NLGN1: variants seen among roughly 807,000 people sequenced by gnomAD.
NLGN1 encodes neuroligin 1.
In NLGN1, 12 loss-of-function variants were observed where a neutral mutation model predicts 65.5. The observed-to-expected ratio is 0.18, with a 90% CI of 0.12 to 0.30. NLGN1 has a LOEUF of 0.30. NLGN1 is among the 10% of genes least tolerant of loss of function. The pLI is 1.00. For synonymous variants in NLGN1, 350 were observed against 359.5 expected (o/e 0.97, Z 0.30); for missense variants, 750 against 1,007.1 (o/e 0.74, Z 3.46).
chr3:173,810,416 C>T (rs541889085), intron 4 of NLGN1, among the ~76,000 whole-genome samples: 1 of 152,242 alleles, frequency 6.6e-6, no homozygotes, highest in African/African-American at 2.4e-5. Flanking sequence ...AAGATATGAT[C>T]CCACATCCGA....
Position 173,456,238 on chromosome 3 carries a change from T to G in NLGN1, c.-321+21160T>G, listed in dbSNP as rs9880084. 3.8e-3 allele frequency among the ~76,000 whole-genome samples: 585 copies of G among 152,080 alleles called. 4 individuals are homozygous for G. The highest frequency in any genetic ancestry group is 0.013 in the African/African-American group (548 of 41,484). On this transcript the variant is annotated intron_variant, in intron 2 of 6. Coordinates refer to ENST00000457714, the Ensembl canonical transcript of NLGN1. The stretch of plus-strand genomic sequence containing the variant: ...AATGATATTTTTAAAACTGATAAGC[T>G]CTAAGAAGAGAGTAAAGAGGTGACA...
chr3:173,551,314 C>T (rs755710833), intron 2 of NLGN1, among the ~76,000 whole-genome samples: 68 of 152,100 alleles, frequency 4.5e-4, no homozygotes, highest in Non-Finnish European at 1.6e-4. Flanking sequence ...TAAAGCAGCT[C>T]GATGTGTAAG....
At chr3:173,754,874 C>T (rs577039143) in intron 3 of NLGN1, among the ~76,000 whole-genome samples, 1 of 152,170 alleles carries the variant, frequency 6.6e-6, no homozygotes, top group East Asian at 1.9e-4. Context: ...ACACTCCATT[C>T]ATTACACTTT....
intron 2 of NLGN1, among the ~76,000 whole-genome samples, chr3:173,538,121 C>A (rs1043488188): frequency 6.6e-6 from 1 of 152,180 alleles, no homozygotes; most frequent in Admixed American, 6.5e-5. Context: ...GTGACTGGTA[C>A]TACTTCTGTT....
At chr3:173,572,481 G>T (rs1259497701) in intron 2 of NLGN1, among the ~76,000 whole-genome samples, 1 of 152,258 alleles carries the variant, frequency 6.6e-6, no homozygotes, top group Non-Finnish European at 1.5e-5. Context: ...GAACCAATCT[G>T]AGTCCATGCC....
chr3:173,913,931 G>A (rs1485773479), intron 4 of NLGN1, among the ~76,000 whole-genome samples: 4 of 152,140 alleles, frequency 2.6e-5, no homozygotes, highest in Non-Finnish European at 5.9e-5. Context: ...CCCTACCCAA[G>A]TCAAAATCAC....
At chr3:174,225,928 C>T (rs1739593362) in intron 4 of NLGN1, among the ~76,000 whole-genome samples, 1 of 151,920 alleles carries the variant, frequency 6.6e-6, no homozygotes, top group Non-Finnish European at 1.5e-5. Flanking sequence ...ATTTCTAGAG[C>T]AGAAATACCC....
intron 4 of NLGN1, among the ~76,000 whole-genome samples, chr3:174,179,049 G>A (rs978367893): frequency 2.0e-5 from 3 of 151,992 alleles, no homozygotes; most frequent in Admixed American, 1.3e-4. Context: ...GTGAAATTAT[G>A]ATAATCATAT....
At chr3:174,058,108 T>C (rs958564339) in intron 4 of NLGN1, among the ~76,000 whole-genome samples, 6 of 152,020 alleles carry the variant, frequency 3.9e-5, no homozygotes, top group African/African-American at 1.4e-4. Flanking sequence ...CAGGTAAGAG[T>C]ATATTCACCA....
chr3:173,574,673 A>G (rs530332121), intron 2 of NLGN1, among the ~76,000 whole-genome samples: 1 of 152,280 alleles, frequency 6.6e-6, no homozygotes, highest in South Asian at 2.1e-4. Flanking sequence ...TTTATGACTC[A>G]AAAAAGGAAT....
intron 4 of NLGN1, among the ~76,000 whole-genome samples, chr3:174,120,105 A>C (rs1717430749): frequency 6.6e-6 from 1 of 152,234 alleles, no homozygotes; most frequent in African/African-American, 2.4e-5. Flanking sequence ...TTGAAATAAA[A>C]TCAGAAATGT....
chr3:173,478,579 A>G (rs1159533866), intron 2 of NLGN1, among the ~76,000 whole-genome samples: 3 of 152,212 alleles, frequency 2.0e-5, no homozygotes, highest in African/African-American at 7.2e-5. Context: ...ATTTTTTACA[A>G]TGAACAATGT....
chr3:173,903,731 T>C (rs1737817186), intron 4 of NLGN1, among the ~76,000 whole-genome samples: 1 of 152,286 alleles, frequency 6.6e-6, no homozygotes, highest in Admixed American at 6.5e-5. Context: ...CCTGAAACAA[T>C]GAAGCGATTG....
chr3:173,902,538 A>G (rs1314899428), intron 4 of NLGN1, among the ~76,000 whole-genome samples: 2 of 152,132 alleles, frequency 1.3e-5, no homozygotes, highest in East Asian at 3.8e-4. Context: ...ATTTAAGGTT[A>G]CATTTATCAT....
intron 4 of NLGN1, among the ~76,000 whole-genome samples, chr3:173,825,066 A>G (rs532427248): frequency 6.6e-6 from 1 of 152,228 alleles, no homozygotes; most frequent in East Asian, 1.9e-4. Flanking sequence ...TGTGCCCAAG[A>G]GAAAATCACA....
At chr3:173,896,954 C>T (rs1385853772) in intron 4 of NLGN1, among the ~76,000 whole-genome samples, 1 of 152,178 alleles carries the variant, frequency 6.6e-6, no homozygotes, top group Admixed American at 6.5e-5. Flanking sequence ...CTGATTACCA[C>T]ACTTACTACT....
chr3:173,573,257 G>T (rs1209454266), intron 2 of NLGN1, among the ~76,000 whole-genome samples: 2 of 151,990 alleles, frequency 1.3e-5, no homozygotes, highest in East Asian at 3.9e-4. Flanking sequence ...GTAAAAGTAG[G>T]AAAAATTATA....
At chr3:174,271,897 C>CTAAT (rs1172453797) in intron 4 of NLGN1, among the ~76,000 whole-genome samples, 2 of 151,492 alleles carry the variant, frequency 1.3e-5, no homozygotes, top group Non-Finnish European at 3.0e-5. Flanking sequence ...TCTAAAATTA[C>CTAAT]TAATTGTTAA....
intron 4 of NLGN1, among the ~76,000 whole-genome samples, chr3:173,948,895 T>C (rs139902344): frequency 6.6e-6 from 1 of 152,252 alleles, no homozygotes; most frequent in African/African-American, 2.4e-5. Context: ...GTGAAGAGAA[T>C]TGGGGAAATT....
Sources: allele counts gnomAD v4.1 joint callset (sites outside exome capture counted in the v4.1 genomes callset), GRCh38; gene constraint gnomAD v4.1.1; transcripts MANE v1.5; gene names NCBI Gene and HGNC (gene_info 2026-07-23, HGNC 2026-07-21).